The following IPP variants were observed in gnomAD, a reference collection of about 807,000 sequenced individuals.
IPP encodes the protein actin-binding protein IPP.
In IPP, 41 loss-of-function variants were observed where a neutral mutation model predicts 64.1. The observed-to-expected ratio is 0.64, with a 90% CI of 0.50 to 0.83. The LOEUF is 0.83. Ranked by LOEUF, IPP falls within the 40% of genes least tolerant of loss-of-function variation. IPP has a pLI of 0.00. For missense variants in IPP, 649 were observed against 703.0 expected, an observed-to-expected ratio of 0.92 and a Z score of 0.87; for synonymous variants, 214 against 235.2, an observed-to-expected ratio of 0.91 and a Z score of 0.83.
At chr1:45,724,841 A>C (rs1383384609) in intron 5 of IPP, among the ~76,000 whole-genome samples, 4 of 145,940 alleles carry the variant, frequency 2.7e-5, no homozygotes, top group Non-Finnish European at 6.0e-5. Flanking sequence ...CCGTCTGGGA[A>C]GTGAGGAGCG....
chr1:45,724,548 C>T (rs1458033093), intron 5 of IPP, among the ~76,000 whole-genome samples: 14 of 148,008 alleles, frequency 9.5e-5, no homozygotes, highest in Admixed American at 9.4e-4. Flanking sequence ...GCCTCTTCCC[C>T]GCCGCCATCC....
intron 1 of IPP, among the ~76,000 whole-genome samples, chr1:45,749,228 C>T (rs1253585391): frequency 1.3e-5 from 2 of 152,186 alleles, no homozygotes; most frequent in African/African-American, 2.4e-5. Flanking sequence ...AATATCCATT[C>T]GGGTGGCAGA....
chr1:45,701,935 C>A (rs1645461231), intron 8 of IPP, among the ~76,000 whole-genome samples: 1 of 152,072 alleles, frequency 6.6e-6, no homozygotes, highest in Non-Finnish European at 1.5e-5. Flanking sequence ...AGGGACAATT[C>A]TTTGAAAGTG....
At chr1:45,708,319 C>T (rs1386169082) in intron 8 of IPP, among the ~76,000 whole-genome samples, 1 of 151,334 alleles carries the variant, frequency 6.6e-6, no homozygotes, top group Admixed American at 6.6e-5. Context: ...CCGCCTCGGC[C>T]TCCCAAAGTG....
chr1:45,703,613 G>A (rs1645482701), intron 8 of IPP, among the ~76,000 whole-genome samples: 1 of 151,950 alleles, frequency 6.6e-6, no homozygotes, highest in African/African-American at 2.4e-5. Flanking sequence ...AAGAAGTCCT[G>A]TGGTAAAGAA....
downstream of IPP, chr1:45,696,956 C>A (rs1200264994): frequency 6.6e-6 from 1 of 152,198 alleles, no homozygotes; most frequent in East Asian, 1.9e-4. Flanking sequence ...TCAGTTGCTA[C>A]TAGACAATGA....
chr1:45,728,045 C>T (rs1645855400), intron 4 of IPP, among the ~76,000 whole-genome samples: 1 of 151,876 alleles, frequency 6.6e-6, no homozygotes, highest in South Asian at 2.1e-4. Flanking sequence ...TAAATCTAGG[C>T]ACTGCTTATC....
intron 8 of IPP, among the ~76,000 whole-genome samples, chr1:45,705,033 G>A (rs1645498704): frequency 1.3e-5 from 2 of 152,352 alleles, no homozygotes; most frequent in Admixed American, 1.3e-4. Flanking sequence ...TCAACACACT[G>A]TCTATGGAGT....
At chr1:45,738,839 C>CAAAAACAAAAAAAACAAAAAAAA (rs1557758601) in intron 3 of IPP, among the ~76,000 whole-genome samples, 1 of 7,696 alleles carries the variant, frequency 1.3e-4, no homozygotes, top group African/African-American at 3.5e-4. Context: ...GACTCCATCT[C>CAAAAACAAAAAAAACAAAAAAAA]AAAAAAAAAA....
At chr1:45,724,236 C>T (rs1645774330) in intron 5 of IPP, among the ~76,000 whole-genome samples, 1 of 152,180 alleles carries the variant, frequency 6.6e-6, no homozygotes, top group South Asian at 2.1e-4. Context: ...CGCCAGCCTT[C>T]GCCTCCCGAG....
downstream of IPP, among the ~76,000 whole-genome samples, chr1:45,695,470 T>G (rs117810068): frequency 3.1e-3 from 471 of 152,240 alleles, 4 homozygotes; most frequent in East Asian, 0.022. Context: ...GCAGAAGCTT[T>G]CTTAAAACAG....
At chr1:45,698,303 T>G (rs1645405489), downstream of IPP, among the ~76,000 whole-genome samples, 1 of 151,712 alleles carries the variant, frequency 6.6e-6, no homozygotes, top group Non-Finnish European at 1.5e-5. Flanking sequence ...AAAAAAAAAT[T>G]TTTTTTACTG....
At position 45,750,614 on chromosome 1, in the gene IPP, C is replaced by T. The variant is rs897750949; in HGVS notation, c.-68G>A. The T allele has an allele frequency of 1.3e-5, 2 of 152,448 alleles. No homozygotes were observed. The highest frequency in any genetic ancestry group is 6.5e-5 in the Admixed American group (1 of 15,292). The allele number at this position is 152,448 out of a possible 1,614,324, so 9.4% of individuals were successfully genotyped here. A position where few individuals can be genotyped will look rare whatever the true frequency, so the allele number is the denominator to read the frequency against. On this transcript the variant is annotated 5_prime_UTR_variant, in exon 1 of 9. Coordinates refer to ENST00000396478, the MANE Select transcript of IPP (RefSeq NM_005897.3). Reference sequence around the variant, plus strand: ...CTCCTTACCCGCCGCTTCCCCTTCCCTCCGGCGCCCGCTCAGGCCCTGCGC... The same window carrying T: ...CTCCTTACCCGCCGCTTCCCCTTCCTTCCGGCGCCCGCTCAGGCCCTGCGC...
intron 7 of IPP, among the ~76,000 whole-genome samples, chr1:45,714,988 G>C (rs1263164853): frequency 6.6e-6 from 1 of 151,968 alleles, no homozygotes; most frequent in Non-Finnish European, 1.5e-5. Flanking sequence ...AGTACTTTGG[G>C]AGGACAGGGC....
chr1:45,727,341 C>T (rs1645842539), intron 5 of IPP, among the ~76,000 whole-genome samples: 1 of 152,126 alleles, frequency 6.6e-6, no homozygotes. Flanking sequence ...TGAGCCACTG[C>T]ACCCCGCCAC....
At chr1:45,697,237 T>C (rs1645394871), downstream of IPP, 2 of 152,298 alleles carry the variant, frequency 1.3e-5, no homozygotes, top group African/African-American at 4.8e-5. Context: ...AGTTGTAGAC[T>C]AAACCAAATA....
chr1:45,700,785 G>C (rs767690774), intron 8 of IPP, among the ~76,000 whole-genome samples: 1 of 152,080 alleles, frequency 6.6e-6, no homozygotes, highest in Non-Finnish European at 1.5e-5. Flanking sequence ...AAAGTCTATG[G>C]AATACAAGTA....
chr1:45,712,919 A>G (rs1200836443), intron 8 of IPP, among the ~76,000 whole-genome samples: 1 of 150,808 alleles, frequency 6.6e-6, no homozygotes, highest in African/African-American at 2.4e-5. Flanking sequence ...GGGCTCCCAA[A>G]GTGCTGGGTT....
chr1:45,714,030 T>C (rs1483604176), intron 8 of IPP, among the ~76,000 whole-genome samples: 3 of 150,272 alleles, frequency 2.0e-5, no homozygotes, highest in African/African-American at 7.4e-5. Flanking sequence ...CAAAAACAAA[T>C]AGGAAAAATG....
Sources: allele counts gnomAD v4.1 joint callset (sites outside exome capture counted in the v4.1 genomes callset), GRCh38; gene constraint gnomAD v4.1.1; transcripts MANE v1.5; gene names NCBI Gene and HGNC (gene_info 2026-07-23, HGNC 2026-07-21).